LRRC4C: variants seen among roughly 807,000 people sequenced by gnomAD.
LRRC4C encodes leucine rich repeat containing 4C.
A neutral mutation model predicts 33.6 loss-of-function variants in LRRC4C; 5 were observed. That is an observed-to-expected ratio of 0.15 (90% CI 0.08 to 0.31). The LOEUF is 0.31. LRRC4C is among the 10% of genes least tolerant of loss of function. The pLI, the probability that LRRC4C is intolerant of heterozygous loss-of-function variation, is 1.00. For missense variants in LRRC4C, 560 were observed against 796.7 expected (o/e 0.70, Z 3.58); for synonymous variants, 329 against 302.0 (o/e 1.09, Z -0.93).
chr11:40,591,254 G>T (rs993927390), intron 3 of LRRC4C, among the ~76,000 whole-genome samples: 1 of 152,118 alleles, frequency 6.6e-6, no homozygotes, highest in African/African-American at 2.4e-5. Flanking sequence ...GGTGCCATCC[G>T]TCACCCCTTT....
At chr11:40,124,312 C>T (rs1856046633) in intron 6 of LRRC4C, among the ~76,000 whole-genome samples, 1 of 152,106 alleles carries the variant, frequency 6.6e-6, no homozygotes, top group Admixed American at 6.6e-5. Context: ...GGCATATATT[C>T]CCTAAAAAAG....
At chr11:41,066,679 C>T (rs61877034) in intron 1 of LRRC4C, among the ~76,000 whole-genome samples, 10,469 of 152,120 alleles carry the variant, frequency 0.069, 405 homozygotes, top group Non-Finnish European at 0.095. Context: ...GCCAGGTCAC[C>T]GACAAAGGGA....
At chr11:40,813,266 G>C (rs952202305) in intron 2 of LRRC4C, among the ~76,000 whole-genome samples, 2 of 152,156 alleles carry the variant, frequency 1.3e-5, no homozygotes, top group African/African-American at 4.8e-5. Context: ...AAAGGAAAGA[G>C]GTTTAATTGA....
intron 5 of LRRC4C, among the ~76,000 whole-genome samples, chr11:40,234,692 G>A (rs1308866532): frequency 1.3e-5 from 2 of 152,278 alleles, no homozygotes; most frequent in East Asian, 3.9e-4. Context: ...GATCACTTGA[G>A]CCCAGGAGGT....
intron 4 of LRRC4C, among the ~76,000 whole-genome samples, chr11:40,249,029 G>C (rs1371204940): frequency 6.6e-6 from 1 of 152,124 alleles, no homozygotes; most frequent in Non-Finnish European, 1.5e-5. Flanking sequence ...CAGAGTAACA[G>C]CAAGCAATTA....
At chr11:40,219,248 G>T (rs1590741832) in intron 5 of LRRC4C, among the ~76,000 whole-genome samples, 1 of 152,290 alleles carries the variant, frequency 6.6e-6, no homozygotes, top group Non-Finnish European at 1.5e-5. Context: ...GTCACCTGTA[G>T]CCAGTGGCTA....
intron 3 of LRRC4C, among the ~76,000 whole-genome samples, chr11:40,519,254 G>C (rs1955704610): frequency 6.6e-6 from 1 of 151,840 alleles, no homozygotes; most frequent in Non-Finnish European, 1.5e-5. Flanking sequence ...AAATCAAATA[G>C]TTTTTTAAAA....
chr11:41,050,625 C>T (rs1046475408), intron 1 of LRRC4C, among the ~76,000 whole-genome samples: 3 of 152,152 alleles, frequency 2.0e-5, no homozygotes, highest in African/African-American at 7.2e-5. Flanking sequence ...TATCAACTCA[C>T]TCTTTTTTAT....
chr11:41,271,378 C>A (rs999598566), intron 1 of LRRC4C, among the ~76,000 whole-genome samples: 1 of 152,102 alleles, frequency 6.6e-6, no homozygotes, highest in Non-Finnish European at 1.5e-5. Context: ...TCCTCCCAAA[C>A]TTCTACAACA....
chr11:40,807,892 A>G (rs1042701381), intron 2 of LRRC4C, among the ~76,000 whole-genome samples: 2 of 152,214 alleles, frequency 1.3e-5, no homozygotes, highest in Non-Finnish European at 2.9e-5. Flanking sequence ...TAACTCTGCC[A>G]GGGTGCAGTA....
chr11:41,074,986 A>C (rs1590444106), intron 1 of LRRC4C, among the ~76,000 whole-genome samples: 3 of 147,770 alleles, frequency 2.0e-5, no homozygotes, highest in Non-Finnish European at 4.5e-5. Context: ...TTTAAGTCTC[A>C]CCCCATCCTC....
intron 3 of LRRC4C, among the ~76,000 whole-genome samples, chr11:40,347,475 T>G (rs1323671069): frequency 6.6e-6 from 1 of 152,226 alleles, no homozygotes; most frequent in East Asian, 1.9e-4. Flanking sequence ...TTAATTTTCT[T>G]CAGAATTTTT....
chr11:40,473,109 C>T (rs2138313392), intron 3 of LRRC4C, among the ~76,000 whole-genome samples: 1 of 152,270 alleles, frequency 6.6e-6, no homozygotes, highest in East Asian at 1.9e-4. Context: ...TTCTATGAAA[C>T]CAGCATCATC....
chr11:40,417,577 C>A (rs1950374041), intron 3 of LRRC4C, among the ~76,000 whole-genome samples: 2 of 151,960 alleles, frequency 1.3e-5, no homozygotes, highest in African/African-American at 4.8e-5. Flanking sequence ...CCCACCTCTG[C>A]CTGACTTCAA....
At chr11:40,832,731 T>C (rs1952476206) in intron 2 of LRRC4C, among the ~76,000 whole-genome samples, 1 of 152,148 alleles carries the variant, frequency 6.6e-6, no homozygotes, top group Admixed American at 6.6e-5. Flanking sequence ...TTCAGAACTT[T>C]ACAAAAATTT....
intron 1 of LRRC4C, among the ~76,000 whole-genome samples, chr11:41,311,333 G>A (rs566224335): frequency 2.6e-4 from 39 of 151,950 alleles, no homozygotes; most frequent in Non-Finnish European, 4.9e-4. Context: ...TGTCACACTC[G>A]TAGCAGAAAC....
intron 1 of LRRC4C, among the ~76,000 whole-genome samples, chr11:41,200,799 A>C (rs1406579891): frequency 6.6e-6 from 1 of 152,180 alleles, no homozygotes; most frequent in East Asian, 1.9e-4. Context: ...AATGATTAAC[A>C]CTCAAATTTG....
intron 1 of LRRC4C, among the ~76,000 whole-genome samples, chr11:41,171,966 A>C (rs1310372234): frequency 6.6e-6 from 1 of 152,050 alleles, no homozygotes. Flanking sequence ...TATTCTCCTG[A>C]GGTTTAATAA....
intron 3 of LRRC4C, among the ~76,000 whole-genome samples, chr11:40,532,285 T>C (rs1198138558): frequency 6.6e-6 from 1 of 151,618 alleles, no homozygotes; most frequent in Non-Finnish European, 1.5e-5. Context: ...GCCAGACAAG[T>C]AATAAAAGTG....
Sources: allele counts gnomAD v4.1 joint callset (sites outside exome capture counted in the v4.1 genomes callset), GRCh38; gene constraint gnomAD v4.1.1; transcripts MANE v1.5; gene names NCBI Gene and HGNC (gene_info 2026-07-23, HGNC 2026-07-21).